Variants in VTI1A observed in about 807,000 individuals in gnomAD.
VTI1A encodes the protein vesicle transport through interaction with t-SNAREs homolog 1A.
In VTI1A, 22 loss-of-function variants were observed where a neutral mutation model predicts 34.9. The ratio of observed to expected loss-of-function variants is 0.63; its 90% confidence interval spans 0.45 to 0.90. The LOEUF is 0.90. VTI1A is among the 40% of genes least tolerant of loss of function. VTI1A has a pLI of 0.00. For missense variants in VTI1A, 268 were observed against 275.6 expected (o/e 0.97, Z 0.20); for synonymous variants, 87 against 97.3 (o/e 0.89, Z 0.62).
intron 3 of VTI1A, among the ~76,000 whole-genome samples, chr10:112,468,710 T>C (rs765897681): frequency 2.6e-5 from 4 of 152,212 alleles, no homozygotes; most frequent in Non-Finnish European, 5.9e-5. Context: ...GTTATCATCT[T>C]TCCTGTTCCT....
chr10:112,564,910 T>C (rs990548276), intron 5 of VTI1A, among the ~76,000 whole-genome samples: 1 of 152,126 alleles, frequency 6.6e-6, no homozygotes, highest in African/African-American at 2.4e-5. Flanking sequence ...TTTTAGGAGA[T>C]GGGCTAGCTT....
chr10:112,743,137 A>C (rs1381985191), intron 7 of VTI1A, among the ~76,000 whole-genome samples: 1 of 151,988 alleles, frequency 6.6e-6, no homozygotes, highest in Non-Finnish European at 1.5e-5. Flanking sequence ...TACGCTTTCC[A>C]GGTCTAGAAT....
chr10:112,830,849 A>T, the VTI1A span, among the ~76,000 whole-genome samples: 5,765 of 33,654 alleles, frequency 0.17, 749 homozygotes, highest in African/African-American at 0.2. Context: ...ATATATATAT[A>T]TTTTTTTTTT....
chr10:112,837,819 C>A, the VTI1A span, among the ~76,000 whole-genome samples: 2 of 152,160 alleles, frequency 1.3e-5, no homozygotes, highest in African/African-American at 4.8e-5. Flanking sequence ...GTGCCAGGGT[C>A]AGATCAACTA....
downstream of VTI1A, among the ~76,000 whole-genome samples, chr10:112,821,028 C>T (rs997027653): frequency 1.3e-5 from 2 of 152,166 alleles, no homozygotes; most frequent in Non-Finnish European, 2.9e-5. Flanking sequence ...GGCCATAGCT[C>T]CTGGGCTCCC....
At chr10:112,698,254 A>G (rs1006477222) in intron 7 of VTI1A, among the ~76,000 whole-genome samples, 1 of 152,196 alleles carries the variant, frequency 6.6e-6, no homozygotes, top group Non-Finnish European at 1.5e-5. Flanking sequence ...TCTGTGGGCT[A>G]TGCGGCTTCT....
intron 3 of VTI1A, among the ~76,000 whole-genome samples, chr10:112,478,999 T>C (rs367656884): frequency 2.0e-5 from 3 of 152,064 alleles, no homozygotes; most frequent in African/African-American, 7.2e-5. Flanking sequence ...AAACCCTGTC[T>C]GTACTAAAAA....
At chr10:112,703,407 A>G (rs1236511035) in intron 7 of VTI1A, among the ~76,000 whole-genome samples, 1 of 152,122 alleles carries the variant, frequency 6.6e-6, no homozygotes, top group Non-Finnish European at 1.5e-5. Context: ...ATCTCTACTA[A>G]AAATACAAAA....
At chr10:112,670,863 C>G (rs887309359) in intron 7 of VTI1A, among the ~76,000 whole-genome samples, 1 of 152,134 alleles carries the variant, frequency 6.6e-6, no homozygotes, top group African/African-American at 2.4e-5. Flanking sequence ...ACATCTGAAC[C>G]AAGGGTATGC....
At chr10:112,569,452 A>G (rs1852037010) in intron 5 of VTI1A, among the ~76,000 whole-genome samples, 1 of 152,208 alleles carries the variant, frequency 6.6e-6, no homozygotes, top group Admixed American at 6.5e-5. Context: ...AAAGTGTTTA[A>G]TTATGCCAAT....
intron 5 of VTI1A, among the ~76,000 whole-genome samples, chr10:112,594,206 C>T (rs913634348): frequency 1.3e-5 from 2 of 152,254 alleles, no homozygotes; most frequent in South Asian, 2.1e-4. Flanking sequence ...TGCGCCCGGC[C>T]GGTCTCCATC....
intron 7 of VTI1A, among the ~76,000 whole-genome samples, chr10:112,674,425 CAT>C (rs2133847378): frequency 6.6e-6 from 1 of 152,302 alleles, no homozygotes; most frequent in East Asian, 1.9e-4. Context: ...ACAGTTGACT[CAT>C]TGCCTTTGTC....
At chr10:112,506,018 G>A (rs1849416421) in intron 3 of VTI1A, among the ~76,000 whole-genome samples, 2 of 151,994 alleles carry the variant, frequency 1.3e-5, no homozygotes, top group East Asian at 1.9e-4. Context: ...ATTAATAATA[G>A]GTATGTATAT....
rs544195274 is a variant in VTI1A at position 112,463,022 on chromosome 10, T to G, written c.154-1525T>G. On this transcript the variant is annotated intron_variant, in intron 2 of 7. Transcript: ENST00000393077. ...TCACTGCAACCTCTACCTCCCCAGT[T>G]CAAGCAATTCTCCTGTCTCAGCCTC... Among the ~76,000 whole-genome samples the G allele has an allele frequency of 2.0e-5, 3 of 152,236 alleles. No homozygotes were observed. The South Asian group carries it at 6.2e-4, about 32-fold the overall frequency.
In VTI1A at chr10:112,640,842, A is replaced by G. The variant is rs17352739; in HGVS notation, c.428-27376A>G. ...TAGCCCTGAGGGTAGTCGAATGCAA[A>G]ATACAGGGCTCAGTCCAGAAACAGA... is the stretch of plus-strand genomic sequence containing the variant. On this transcript the variant is annotated intron_variant, in intron 5 of 7. Transcript: ENST00000393077. 6.2e-3 allele frequency among the ~76,000 whole-genome samples: 940 copies of G among 152,228 alleles called. 7 individuals are homozygous for G. The highest frequency in any genetic ancestry group is 8.1e-3 in the Non-Finnish European group (548 of 68,010).
intron 7 of VTI1A, among the ~76,000 whole-genome samples, chr10:112,719,346 T>C (rs955841047): frequency 6.6e-6 from 1 of 152,200 alleles, no homozygotes; most frequent in Non-Finnish European, 1.5e-5. Context: ...AATGCTATTA[T>C]ACAAACATAC....
intron 5 of VTI1A, among the ~76,000 whole-genome samples, chr10:112,582,129 T>C (rs762186945): frequency 1.3e-5 from 2 of 152,142 alleles, no homozygotes; most frequent in African/African-American, 4.8e-5. Context: ...GGTGCCAGCA[T>C]GGTGGAATTC....
intron 5 of VTI1A, among the ~76,000 whole-genome samples, chr10:112,607,286 C>CA (rs368476703): frequency 3.1e-3 from 360 of 115,536 alleles, no homozygotes; most frequent in South Asian, 0.014. Context: ...GACTCCATCT[C>CA]AAAAAAAAAA....
chr10:112,640,552 C>A (rs2134665232), intron 5 of VTI1A, among the ~76,000 whole-genome samples: 1 of 151,938 alleles, frequency 6.6e-6, no homozygotes, highest in East Asian at 1.9e-4. Flanking sequence ...AAACAAACAA[C>A]AACAACAACA....
Sources: gnomAD v4.1 joint callset for allele counts (sites outside exome capture counted in the v4.1 genomes callset) on GRCh38, gnomAD v4.1.1 for gene constraint, MANE v1.5 for transcripts, NCBI Gene and HGNC (gene_info 2026-07-23, HGNC 2026-07-21) for gene names.